GALNT7: variants seen among roughly 807,000 people sequenced by gnomAD.
The protein encoded by GALNT7 is polypeptide N-acetylgalactosaminyltransferase 7, also known as N-acetylgalactosaminyltransferase 7.
GALNT7 carries 60 observed loss-of-function variants against 82.1 expected under a neutral mutation model. The observed-to-expected ratio is 0.73, with a 90% CI of 0.59 to 0.91. GALNT7 has a LOEUF of 0.91. GALNT7 is among the 40% of genes least tolerant of loss of function. The pLI is 0.00. For missense variants in GALNT7, 660 were observed against 804.2 expected, an observed-to-expected ratio of 0.82 and a Z score of 2.17; for synonymous variants, 243 against 275.1, an observed-to-expected ratio of 0.88 and a Z score of 1.15.
chr4:173,280,877 AC>A (rs745377363), intron 2 of GALNT7, among the ~76,000 whole-genome samples: 2 of 152,196 alleles, frequency 1.3e-5, no homozygotes, highest in Non-Finnish European at 2.9e-5. Context: ...TGTGTGCTCT[AC>A]CCAGTGGCTT....
At chr4:173,254,696 A>AT (rs1734965812) in intron 2 of GALNT7, among the ~76,000 whole-genome samples, 1 of 152,132 alleles carries the variant, frequency 6.6e-6, no homozygotes, top group Non-Finnish European at 1.5e-5. Context: ...ATTGATGACA[A>AT]TTTTTCACAC....
intron 2 of GALNT7, among the ~76,000 whole-genome samples, chr4:173,263,408 A>G (rs1735355438): frequency 6.6e-6 from 1 of 152,198 alleles, no homozygotes; most frequent in South Asian, 2.1e-4. Context: ...ACTTACTCAA[A>G]ATTGTATTGA....
chr4:173,180,318 T>C (rs1329254898), intron 1 of GALNT7, among the ~76,000 whole-genome samples: 1 of 142,804 alleles, frequency 7.0e-6, no homozygotes, highest in East Asian at 2.1e-4. Context: ...TTCATCATAT[T>C]GGAGTTCCTT....
chr4:173,187,831 A>G (rs2126637215), intron 1 of GALNT7, among the ~76,000 whole-genome samples: 1 of 152,310 alleles, frequency 6.6e-6, no homozygotes, highest in African/African-American at 2.4e-5. Flanking sequence ...GTCGTGAAGC[A>G]TAATTTCTCT....
intron 8 of GALNT7, among the ~76,000 whole-genome samples, chr4:173,309,947 A>G (rs1737317330): frequency 6.6e-6 from 1 of 152,230 alleles, no homozygotes; most frequent in African/African-American, 2.4e-5. Flanking sequence ...TGAAAGAAAA[A>G]CTAAAAGAGC....
chr4:173,292,757 T>G lies in GALNT7; in HGVS notation c.754+483T>G, dbSNP rs1226480748. 6.6e-6 allele frequency among the ~76,000 whole-genome samples: 1 copy of G among 152,202 alleles called. No homozygotes were observed. The highest frequency in any genetic ancestry group is 6.5e-5 in the Admixed American group (1 of 15,280). On this transcript the variant is annotated intron_variant, in intron 3 of 11. Transcript: ENST00000265000. The surrounding 1 kb of genome is among the most constrained non-coding windows in gnomAD (Gnocchi z 4.8). ...CACGAATAAATAGAAATATGGCCTA[T>G]TTTTCCTTTCATCTCTGTGCAGCTG... is the stretch of plus-strand genomic sequence containing the variant.
chr4:173,250,119 G>C (rs966958994), intron 2 of GALNT7, among the ~76,000 whole-genome samples: 2 of 152,096 alleles, frequency 1.3e-5, no homozygotes, highest in African/African-American at 4.8e-5. Context: ...TGACTTCTTT[G>C]CATTTACCTA....
chr4:173,182,914 G>T (rs553894611), intron 1 of GALNT7, among the ~76,000 whole-genome samples: 1 of 117,534 alleles, frequency 8.5e-6, no homozygotes, highest in Non-Finnish European at 1.7e-5. Flanking sequence ...AGGCTAGCAG[G>T]TTACTCATAA....
At chr4:173,179,063 G>A (rs1426322275) in intron 1 of GALNT7, among the ~76,000 whole-genome samples, 1 of 152,152 alleles carries the variant, frequency 6.6e-6, no homozygotes, top group Non-Finnish European at 1.5e-5. Context: ...TTTGGCATTT[G>A]TAGTTACCTT....
Position 173,288,282 on chromosome 4 carries a change from CAAAAAAA to C in GALNT7, c.588-3809_588-3803del, listed in dbSNP as rs70944442. On this transcript the variant is annotated intron_variant, in intron 2 of 11. Transcript: ENST00000265000. ...TGGGCGACAGAGCGAGACTCCATCT[CAAAAAAA>C]AAAAAAAAAAAAAAAAGAAAAGAAC... Among the ~76,000 whole-genome samples the C allele has an allele frequency of 9.3e-3, 587 of 62,978 alleles. 5 individuals carry two copies. The highest frequency in any genetic ancestry group is 0.035 in the Middle Eastern group (4 of 114). The allele number at this position is 62,978 out of a possible 152,430, so 41.3% of individuals were successfully genotyped here. A position where few individuals can be genotyped will look rare whatever the true frequency, so the allele number is the denominator to read the frequency against.
intron 1 of GALNT7, among the ~76,000 whole-genome samples, chr4:173,183,829 C>T (rs1732365071): frequency 6.6e-6 from 1 of 151,728 alleles, no homozygotes; most frequent in Non-Finnish European, 1.5e-5. Context: ...GGGACTGTCC[C>T]CCACCTCCCA....
intron 1 of GALNT7, among the ~76,000 whole-genome samples, chr4:173,240,157 A>G (rs1422739558): frequency 1.3e-5 from 2 of 152,144 alleles, no homozygotes; most frequent in Non-Finnish European, 2.9e-5. Flanking sequence ...ATACTTGTCC[A>G]TTAAGATTGG....
chr4:173,280,103 A>G (rs1184585796), intron 2 of GALNT7, among the ~76,000 whole-genome samples: 1 of 152,062 alleles, frequency 6.6e-6, no homozygotes, highest in Non-Finnish European at 1.5e-5. Flanking sequence ...ATCAAAAATG[A>G]CTCTTTGTCT....
At chr4:173,188,093 G>T (rs1429729268) in intron 1 of GALNT7, among the ~76,000 whole-genome samples, 1 of 152,064 alleles carries the variant, frequency 6.6e-6, no homozygotes, top group African/African-American at 2.4e-5. Context: ...ACCCATGTGG[G>T]GAGCCAAAAT....
intron 1 of GALNT7, among the ~76,000 whole-genome samples, chr4:173,173,336 TAATTA>T (rs1731936839): frequency 2.0e-5 from 3 of 152,150 alleles, no homozygotes; most frequent in Admixed American, 2.0e-4. Flanking sequence ...AAAGTTCCTT[TAATTA>T]AATAAATTAT....
intron 1 of GALNT7, among the ~76,000 whole-genome samples, chr4:173,209,416 T>C (rs1733202018): frequency 6.6e-6 from 1 of 152,248 alleles, no homozygotes; most frequent in African/African-American, 2.4e-5. Flanking sequence ...ACCCAGGTTT[T>C]GTATTCACTT....
intron 1 of GALNT7, among the ~76,000 whole-genome samples, chr4:173,173,439 A>G (rs72994571): frequency 0.018 from 2,775 of 152,294 alleles, 82 homozygotes; most frequent in Admixed American, 0.066. Context: ...AAAGGTTTTT[A>G]AAGGAAATGT....
intron 2 of GALNT7, among the ~76,000 whole-genome samples, chr4:173,264,692 T>C (rs55840112): frequency 0.025 from 3,850 of 152,284 alleles, 152 homozygotes; most frequent in African/African-American, 0.086. Flanking sequence ...CCCAGGTCTC[T>C]CTCATTTTAA....
intron 1 of GALNT7, among the ~76,000 whole-genome samples, chr4:173,183,046 A>ACACACACAC (rs1491062938): frequency 4.5e-3 from 76 of 16,944 alleles, no homozygotes; most frequent in African/African-American, 0.026. Context: ...ACACATAAAC[A>ACACACACAC]CACACACACA....
Sources: allele counts gnomAD v4.1 joint callset (sites outside exome capture counted in the v4.1 genomes callset), GRCh38; gene constraint gnomAD v4.1.1; non-coding constraint Gnocchi (gnomAD v3.1); transcripts MANE v1.5; gene names NCBI Gene and HGNC (gene_info 2026-07-23, HGNC 2026-07-21).